TSPAN18: variants seen among roughly 807,000 people sequenced by gnomAD.
TSPAN18 encodes the protein tetraspanin 18.
Under a neutral mutation model 27.3 loss-of-function variants are expected in TSPAN18, and 14 were observed. That is an observed-to-expected ratio of 0.51 (90% CI 0.34 to 0.80). The LOEUF is 0.80. Among genes scored for constraint, TSPAN18 ranks in the 30% least tolerant of loss-of-function variants. The pLI, the probability that TSPAN18 is intolerant of heterozygous loss-of-function variation, is 0.01. For missense variants in TSPAN18, 268 were observed against 323.9 expected (o/e 0.83, Z 1.32); for synonymous variants, 143 against 136.5 (o/e 1.05, Z -0.33).
rs1033196655 is a variant in TSPAN18 at position 44,929,612 on chromosome 11, C to A, written c.*434C>A. 4 of 168,658 alleles carry A rather than the reference C, an allele frequency of 2.4e-5. No individual in the cohort carries two copies. The highest frequency in any genetic ancestry group is 5.1e-5 in the Non-Finnish European group (4 of 78,840). The allele number at this position is 168,658 out of a possible 1,614,324, so 10.4% of individuals were successfully genotyped here. On this transcript the variant is annotated 3_prime_UTR_variant, in exon 10 of 10. Transcript: ENST00000520358. ...AAGTCATCAAAGCCCAGGGGCTGCACGGAGATTCAGCTGCCATGTCTTTGA... is the reference window on the plus strand; with the variant it reads ...AAGTCATCAAAGCCCAGGGGCTGCAAGGAGATTCAGCTGCCATGTCTTTGA...
intron 5 of TSPAN18, among the ~76,000 whole-genome samples, chr11:44,910,659 C>T (rs1034090718): frequency 1.3e-5 from 2 of 152,208 alleles, no homozygotes; most frequent in Admixed American, 1.3e-4. Context: ...AATTCTGAAA[C>T]GGTATGATAT....
At chr11:44,770,267 G>T (rs1262403730) in intron 2 of TSPAN18, among the ~76,000 whole-genome samples, 2 of 152,224 alleles carry the variant, frequency 1.3e-5, no homozygotes, top group Non-Finnish European at 2.9e-5. Context: ...GGAAGGGGCA[G>T]GGAATGACTC....
At chr11:44,732,522 A>C (rs1854688135) in intron 1 of TSPAN18, among the ~76,000 whole-genome samples, 1 of 152,118 alleles carries the variant, frequency 6.6e-6, no homozygotes, top group Non-Finnish European at 1.5e-5. Context: ...CAGGAATGAT[A>C]TCTCTTAGAC....
At chr11:44,875,741 A>G (rs917540746) in intron 3 of TSPAN18, among the ~76,000 whole-genome samples, 5 of 152,198 alleles carry the variant, frequency 3.3e-5, no homozygotes. Context: ...TGTGAGCCTC[A>G]GTTTTTTGCC....
chr11:44,910,051 A>G, intron 5 of TSPAN18, 152 bp downstream of exon 5: 1 of 896,486 alleles, frequency 1.1e-6, no homozygotes, highest in South Asian at 1.9e-5. Context: ...GGAGATGAGC[A>G]CGTCTGACCC....
intron 2 of TSPAN18, among the ~76,000 whole-genome samples, chr11:44,786,117 G>C (rs1856051262): frequency 6.6e-6 from 1 of 152,270 alleles, no homozygotes; most frequent in Non-Finnish European, 1.5e-5. Context: ...TGATGCCACA[G>C]GGCCCCGTGG....
intron 3 of TSPAN18, among the ~76,000 whole-genome samples, chr11:44,870,297 A>G (rs752033707): frequency 1.9e-4 from 29 of 152,206 alleles, no homozygotes; most frequent in Non-Finnish European, 2.8e-4. Flanking sequence ...CTGTGTATCT[A>G]TAGATTTGCC....
intron 3 of TSPAN18, among the ~76,000 whole-genome samples, chr11:44,892,082 G>A (rs1036243162): frequency 6.6e-6 from 1 of 152,120 alleles, no homozygotes; most frequent in Admixed American, 6.5e-5. Flanking sequence ...GTGGGAGGCT[G>A]CGGGGCTGTC....
At chr11:44,844,012 A>C (rs1857429695) in intron 2 of TSPAN18, among the ~76,000 whole-genome samples, 1 of 152,236 alleles carries the variant, frequency 6.6e-6, no homozygotes, top group South Asian at 2.1e-4. Flanking sequence ...AAAGACAGGC[A>C]TAGGAAATCA....
intron 2 of TSPAN18, among the ~76,000 whole-genome samples, chr11:44,787,177 G>A (rs537882105): frequency 3.1e-4 from 47 of 152,320 alleles, no homozygotes; most frequent in African/African-American, 8.9e-4. Context: ...CTAAGCTGCC[G>A]ATATTTGAGT....
intron 2 of TSPAN18, among the ~76,000 whole-genome samples, chr11:44,836,334 G>C (rs571129751): frequency 6.6e-6 from 1 of 152,184 alleles, no homozygotes; most frequent in Non-Finnish European, 1.5e-5. Context: ...CAAAATTCTC[G>C]TAAGCCAAAG....
At chr11:44,740,459 C>T (rs112128593) in intron 1 of TSPAN18, among the ~76,000 whole-genome samples, 9 of 152,200 alleles carry the variant, frequency 5.9e-5, no homozygotes, top group African/African-American at 2.2e-4. Context: ...CAGGGCCAGC[C>T]AGGGGCATGG....
intron 8 of TSPAN18, among the ~76,000 whole-genome samples, chr11:44,924,130 T>TGTGTGTGTGTGTGA (rs1491312887): frequency 2.2e-4 from 32 of 145,062 alleles, no homozygotes; most frequent in African/African-American, 7.2e-4. Flanking sequence ...TGTGTGTGTG[T>TGTGTGTGTGTGTGA]GATTATATTG....
Position 44,877,679 on chromosome 11 carries a change from G to A in TSPAN18, c.-11+17210G>A, listed in dbSNP as rs768750364. ...CCTGAGCCACCATCATCTTGGCTAC[G>A]AAAATAGGATGGGTTGTTCCACTTC... is the stretch of plus-strand genomic sequence containing the variant. On this transcript the variant is annotated intron_variant, in intron 3 of 9. Coordinates refer to ENST00000520358, the MANE Select transcript of TSPAN18 (RefSeq NM_130783.5). Among the ~76,000 whole-genome samples, 4 of 152,180 alleles carry A rather than the reference G, an allele frequency of 2.6e-5. No individual in the cohort carries two copies. The South Asian group carries it at 8.3e-4, about 32-fold the overall frequency.
intron 1 of TSPAN18, among the ~76,000 whole-genome samples, chr11:44,746,304 T>C (rs943077667): frequency 1.3e-5 from 2 of 152,132 alleles, no homozygotes; most frequent in African/African-American, 4.8e-5. Flanking sequence ...AGATGAGTGT[T>C]GGGTGAGTTA....
intron 2 of TSPAN18, among the ~76,000 whole-genome samples, chr11:44,801,101 G>T (rs1032399382): frequency 6.6e-6 from 1 of 152,158 alleles, no homozygotes; most frequent in South Asian, 2.1e-4. Flanking sequence ...GGTGCTCAAG[G>T]CCCTTAGAGC....
At chr11:44,908,786 A>AGAAAG in intron 4 of TSPAN18, among the ~76,000 whole-genome samples, 1 of 91,698 alleles carries the variant, frequency 1.1e-5, no homozygotes, top group African/African-American at 4.4e-5. Context: ...AAAGAAAGAA[A>AGAAAG]GAAAGAAAGA....
intron 9 of TSPAN18, among the ~76,000 whole-genome samples, chr11:44,927,911 A>G (rs1447482774): frequency 6.6e-6 from 1 of 152,226 alleles, no homozygotes; most frequent in Non-Finnish European, 1.5e-5. Flanking sequence ...ACTGGGGCTC[A>G]GGAAGCAGCA....
Position 44,917,732 on chromosome 11 carries a change from T to G in TSPAN18, c.259-240T>G, listed in dbSNP as rs1345517688. The G allele has an allele frequency of 5.4e-6, 3 of 552,240 alleles. No homozygotes were observed. The East Asian group carries it at 9.0e-5, about 17-fold the overall frequency. The allele number at this position is 552,240 out of a possible 1,614,324, so 34.2% of individuals were successfully genotyped here. ...ACGAGGGGCCTCTCTAAGGGTACCA[T>G]TTGCATGGAAGGTATATATTTGTTT... On this transcript the variant is annotated intron_variant, in intron 5 of 9. Transcript: ENST00000520358.
Sources: allele counts gnomAD v4.1 joint callset (sites outside exome capture counted in the v4.1 genomes callset), GRCh38; gene constraint gnomAD v4.1.1; transcripts MANE v1.5; gene names NCBI Gene and HGNC (gene_info 2026-07-23, HGNC 2026-07-21).